The following C1RL variants were observed in gnomAD, a reference collection of about 807,000 sequenced individuals.
The protein encoded by C1RL is complement C1r subcomponent like, also known as complement C1r subcomponent-like protein.
A neutral mutation model predicts 27.9 loss-of-function variants in C1RL; 27 were observed. That is an observed-to-expected ratio of 0.97 (90% confidence interval 0.71 to 1.33). The LOEUF is 1.33. C1RL is among the 40% of genes most tolerant of loss of function. C1RL has a pLI of 0.00. For missense variants in C1RL, 563 were observed against 623.9 expected, an observed-to-expected ratio of 0.90 and a Z score of 1.04; for synonymous variants, 248 against 252.1, an observed-to-expected ratio of 0.98 and a Z score of 0.15.
At position 7,099,718 on chromosome 12, in the gene C1RL, T is replaced by C. The variant is rs925880255; in HGVS notation, c.659A>G (p.Gln220Arg). The change falls in exon 5 of 6, where the codon CAG becomes CGG. Residue 220 changes from glutamine to arginine, a missense_variant. Transcript: ENST00000266542. ...ACACTGAAGAACCTCCTCCCCATCC[T>C]GTCTGTCTTTCCAGGTCCCTGGGGT... ...CATPGTWKDR[Q>R]DGEEVLQCMP... 13 of 1,561,566 alleles carry C rather than the reference T, an allele frequency of 8.3e-6. No homozygotes were observed. Among genetic ancestry groups the C allele is most frequent in the African/African-American group, 1.4e-5 (1 of 73,878 alleles).
chr12:7,108,511 G>A, intron 1 of C1RL, 32 bp from the exon 2 acceptor site: 3 of 1,520,468 alleles, frequency 2.0e-6, no homozygotes, highest in Non-Finnish European at 2.7e-6. Flanking sequence ...AGGTGGGGCC[G>A]CGCAGCTATG....
chr12:7,108,261 T>C lies in C1RL; in HGVS notation c.290A>G (p.Asp97Gly), dbSNP rs1938819970. 6.2e-7 allele frequency: 1 copy of C among 1,600,368 alleles called. No homozygotes were observed. The highest frequency in any genetic ancestry group is 1.3e-5 in the African/African-American group (1 of 74,314). ...CCATCCCCAGCTCACTGTGACAGAG[T>C]CCCCTGCACAGTCCTGGGACGGCTC... ...DLEPSQDCAG[D>G]SVTISFVGSD... is the part of the protein sequence containing the mutation. Residue 97 changes from aspartate (D) to glycine (G), a missense_variant, in exon 2 of 6, where the codon GAC (aspartate) becomes GGC (glycine). Coordinates refer to ENST00000266542, the MANE Select transcript of C1RL (RefSeq NM_016546.4).
At chr12:7,108,989 G>GTGTGTGTGTGTGTGTGT (rs753757831) in intron 1 of C1RL, 121 bp downstream of exon 1, 16 of 70,192 alleles carry the variant, frequency 2.3e-4, no homozygotes, top group South Asian at 3.5e-4. Flanking sequence ...GTGTGTGTGT[G>GTGTGTGTGTGTGTGTGT]GGGGGGGGGG....
intron 2 of C1RL, among the ~76,000 whole-genome samples, chr12:7,105,794 T>G (rs991033467): frequency 6.6e-6 from 1 of 152,132 alleles, no homozygotes; most frequent in Non-Finnish European, 1.5e-5. Context: ...TTTAGAAAAT[T>G]AGAACGAATC....
intron 5 of C1RL, chr12:7,097,384 G>A (rs975687961): frequency 8.0e-6 from 4 of 497,796 alleles, no homozygotes; most frequent in South Asian, 6.6e-5. Context: ...CTGCGCTCAA[G>A]CAATTCTGCC....
intron 1 of C1RL, 96 bp from the exon 2 acceptor site, chr12:7,108,575 G>T: frequency 1.1e-6 from 1 of 926,676 alleles, no homozygotes; most frequent in Non-Finnish European, 1.6e-6. Flanking sequence ...GGACTCAGAG[G>T]CCTCGCGAGG....
At position 7,096,448 on chromosome 12, in the gene C1RL, G is replaced by A; in HGVS notation, c.1407C>T (p.Tyr469=). Residue 469 remains tyrosine, a synonymous_variant, in exon 6 of 6, where the codon TAC becomes TAT. Coordinates refer to ENST00000266542, the MANE Select transcript of C1RL (RefSeq NM_016546.4). ...GIGCGEGYDF[Y]TKVLSYVDWI... is the part of the protein sequence containing the mutation. ...AGTCCACATAGCTGAGCACCTTGGT[G>A]TAGAAGTCATACCCTTCGCCACACC... The A allele has an allele frequency of 4.3e-6, 7 of 1,614,038 alleles. No individual in the cohort carries two copies. The highest frequency in any genetic ancestry group is 5.9e-6 in the Non-Finnish European group (7 of 1,179,978).
Position 7,094,920 on chromosome 12 carries a change from G to A in C1RL, c.*1471C>T. The A allele has an allele frequency of 9.2e-7, 1 of 1,083,526 alleles. No homozygotes were observed. The highest frequency in any genetic ancestry group is 1.1e-6 in the Non-Finnish European group (1 of 886,922). 67.1% of individuals were successfully genotyped at this position (1,083,526 alleles called of 1,614,324 possible). A position where few individuals can be genotyped will look rare whatever the true frequency, so the allele number is the denominator to read the frequency against. On this transcript the variant is annotated 3_prime_UTR_variant, in exon 6 of 6. Coordinates refer to ENST00000266542, the MANE Select transcript of C1RL (RefSeq NM_016546.4). ...ATAATCTTTTGTACTGTATGTGGGT[G>A]TAAAAAACAGAAGTAATCACATGTA...
In C1RL at chr12:7,101,787, C is replaced by G. The variant is rs770422203; in HGVS notation, c.490+111G>C. 6 of 1,185,018 alleles carry G rather than the reference C, an allele frequency of 5.1e-6. No individual in the cohort carries two copies. In the East Asian group the frequency reaches 1.4e-4, roughly 28 times the overall value. The allele number at this position is 1,185,018 out of a possible 1,614,324, so 73.4% of individuals were successfully genotyped here. A position where few individuals can be genotyped will look rare whatever the true frequency, so the allele number is the denominator to read the frequency against. On this transcript the variant is annotated intron_variant, in intron 3 of 5. Transcript: ENST00000266542. ...GGGCTGGGATCCAGCCCAGGTGTCCCTGAGTCCCCAGCCTCAGCTGTCACT... is the reference window on the plus strand; with the variant it reads ...GGGCTGGGATCCAGCCCAGGTGTCCGTGAGTCCCCAGCCTCAGCTGTCACT...
intron 1 of C1RL, 89 bp downstream of exon 1, chr12:7,109,001 GATGTGTGTGTGGGGGGGGTA>G (rs1938869199): frequency 3.0e-6 from 1 of 335,976 alleles, no homozygotes; most frequent in African/African-American, 5.4e-5. Flanking sequence ...GGGGGGGGGG[GATGTGTGTGTGGGGGGGGTA>G]GGGTGGGGGG....
Position 7,099,757 on chromosome 12 carries a change from GC to G in C1RL, c.619del (p.Ala207HisfsTer93). Reference sequence around the variant, plus strand: ...GGTCCCTGGGGTTGCACAGGTGAGTGCCCCTGTGGCGTAAATGAGGAGAGGC... The same window carrying G: ...GGTCCCTGGGGTTGCACAGGTGAGTGCCCTGTGGCGTAAATGAGGAGAGGC... Reference protein sequence around the residue: ...EPYYQAAAAGALTCATPGTWK... With the variant: ...EPYYQAAAAGXLTCATPGTWK... On this transcript the variant is annotated frameshift_variant and splice_region_variant, in exon 5 of 6. Coordinates refer to ENST00000266542, the MANE Select transcript of C1RL (RefSeq NM_016546.4). LOFTEE classifies it high-confidence loss of function. The G allele has an allele frequency of 2.5e-6, 4 of 1,584,674 alleles. No homozygotes were observed. Among genetic ancestry groups the G allele is most frequent in the Non-Finnish European group, 2.6e-6 (3 of 1,165,774 alleles).
chr12:7,101,876 C>CCT (rs1366706041), intron 3 of C1RL, 22 bp downstream of exon 3: 1 of 1,606,602 alleles, frequency 6.2e-7, no homozygotes, highest in Non-Finnish European at 8.5e-7. Flanking sequence ...TCCCTCCCTG[C>CCT]ACCCCCAGGA....
chr12:7,095,768 C>T lies in C1RL; in HGVS notation c.*623G>A. 2.7e-6 allele frequency: 2 copies of T among 745,688 alleles called. No individual in the cohort carries two copies. The highest frequency in any genetic ancestry group is 3.3e-6 in the Non-Finnish European group (2 of 611,350). 46.2% of individuals were successfully genotyped at this position (745,688 alleles called of 1,614,324 possible). On this transcript the variant is annotated 3_prime_UTR_variant, in exon 6 of 6. Coordinates refer to ENST00000266542, the MANE Select transcript of C1RL (RefSeq NM_016546.4). ...TGGGCAAGTCCCTTTATCCCCTGAG[C>T]CTCAGTTTCCTCATTTGTCACACAT... is the stretch of plus-strand genomic sequence containing the variant.
At chr12:7,106,302 A>G (rs1271975401) in intron 2 of C1RL, among the ~76,000 whole-genome samples, 1 of 152,214 alleles carries the variant, frequency 6.6e-6, no homozygotes, top group East Asian at 1.9e-4. Context: ...ACCCAGATCA[A>G]CTATCCCTCC....
intron 3 of C1RL, among the ~76,000 whole-genome samples, chr12:7,101,185 C>T (rs977398482): frequency 1.5e-5 from 2 of 134,314 alleles, no homozygotes; most frequent in Admixed American, 1.6e-4. Flanking sequence ...CTCTCTCCCT[C>T]CCTCCCTTCT....
In C1RL at chr12:7,099,615, C is replaced by T. The variant is rs1293137781; in HGVS notation, c.691+71G>A. ...TTCTATTCTAAGGCTTTCCTTTAAC[C>T]CCTGTGTCCTGTAGGTCCCAGTTGC... On this transcript the variant is annotated intron_variant, in intron 5 of 5. Coordinates refer to ENST00000266542, the MANE Select transcript of C1RL (RefSeq NM_016546.4). The T allele has an allele frequency of 7.2e-6, 11 of 1,534,672 alleles. No individual in the cohort carries two copies. The East Asian group carries it at 9.9e-5, about 14-fold the overall frequency.
intron 5 of C1RL, 72 bp from the exon 6 acceptor site, chr12:7,097,235 C>G: frequency 7.2e-7 from 1 of 1,391,882 alleles, no homozygotes; most frequent in African/African-American, 1.4e-5. Context: ...ACCTGCTTCT[C>G]TGAAGTGCTG....
intron 1 of C1RL, 77 bp from the exon 2 acceptor site, chr12:7,108,556 G>T: frequency 8.1e-7 from 1 of 1,228,254 alleles, no homozygotes; most frequent in Non-Finnish European, 1.1e-6. Context: ...GAGCGGGGGA[G>T]CCGCGCTAGG....
chr12:7,097,277 C>A, intron 5 of C1RL, 114 bp from the exon 6 acceptor site: 8 of 821,424 alleles, frequency 9.7e-6, no homozygotes, highest in Non-Finnish European at 1.2e-5. Context: ...ACTCTGGGAT[C>A]AGGACGTTTT....
Sources: allele counts gnomAD v4.1 joint callset (sites outside exome capture counted in the v4.1 genomes callset), GRCh38; gene constraint gnomAD v4.1.1; transcripts MANE v1.5; gene names NCBI Gene and HGNC (gene_info 2026-07-23, HGNC 2026-07-21).